Variants in MAN1A1 observed in about 807,000 individuals in gnomAD.
The protein encoded by MAN1A1 is mannosyl-oligosaccharide 1,2-alpha-mannosidase IA.
MAN1A1 carries 29 observed loss-of-function variants against 70.8 expected under a neutral mutation model. That is an observed-to-expected ratio of 0.41 (90% CI 0.31 to 0.56). MAN1A1 has a LOEUF of 0.56. Ranked by LOEUF, MAN1A1 falls within the 20% of genes least tolerant of loss-of-function variation. The pLI is 0.29. For synonymous variants in MAN1A1, 349 were observed against 330.1 expected, an observed-to-expected ratio of 1.06 and a Z score of -0.62; for missense variants, 747 against 841.3, an observed-to-expected ratio of 0.89 and a Z score of 1.39.
At chr6:119,268,793 C>T (rs1411339292) in intron 5 of MAN1A1, among the ~76,000 whole-genome samples, 1 of 151,992 alleles carries the variant, frequency 6.6e-6, no homozygotes, top group Non-Finnish European at 1.5e-5. Context: ...CATAATGTTG[C>T]CCAGGATGGT....
rs553095612 is a variant in MAN1A1, at chr6:119,331,598, T to A, written c.603+16865A>T. 1.8e-4 allele frequency among the ~76,000 whole-genome samples: 26 copies of A among 142,506 alleles called. 1 individual carries two copies. The East Asian group carries it at 3.8e-3, about 21-fold the overall frequency. 93.5% of individuals were successfully genotyped at this position (142,506 alleles called of 152,430 possible). ...ATATATATATATATATATATATATA[T>A]AATCAAGGGGATATAAACATACATG... is the stretch of plus-strand genomic sequence containing the variant. On this transcript the variant is annotated intron_variant, in intron 2 of 12. Transcript: ENST00000368468.
intron 5 of MAN1A1, among the ~76,000 whole-genome samples, chr6:119,266,315 C>A (rs1282861374): frequency 6.6e-6 from 1 of 152,072 alleles, no homozygotes; most frequent in East Asian, 1.9e-4. Flanking sequence ...TGACACTACC[C>A]AACTTCAAGA....
Position 119,179,618 on chromosome 6 carries a change from C to T in MAN1A1, c.*201G>A. ...CATAAACAAAAAACTGGTGGATACA[C>T]TGGCTGAATTAATAAAGGATATGAT... On this transcript the variant is annotated 3_prime_UTR_variant, in exon 13 of 13. Transcript: ENST00000368468. The T allele has an allele frequency of 2.8e-6, 1 of 362,542 alleles. No individual in the cohort carries two copies. The highest frequency in any genetic ancestry group is 2.0e-5 in the African/African-American group (1 of 49,452). 22.5% of individuals were successfully genotyped at this position (362,542 alleles called of 1,614,324 possible). A position where few individuals can be genotyped will look rare whatever the true frequency, so the allele number is the denominator to read the frequency against.
At chr6:119,288,722 A>G (rs1202069195) in intron 5 of MAN1A1, among the ~76,000 whole-genome samples, 1 of 151,924 alleles carries the variant, frequency 6.6e-6, no homozygotes, top group African/African-American at 2.4e-5. Flanking sequence ...ATAAAAAGAT[A>G]CTGAAAATAA....
In MAN1A1 at chr6:119,306,808, C is replaced by T; in HGVS notation, c.700+88G>A. On this transcript the variant is annotated intron_variant, in intron 3 of 12. Coordinates refer to ENST00000368468, the MANE Select transcript of MAN1A1 (RefSeq NM_005907.4). Reference sequence around the variant, plus strand: ...TTCCTAACCAAATGGCCTGGAGGGCCATGTTACACAGACTTCTCCACCATC... The same window carrying T: ...TTCCTAACCAAATGGCCTGGAGGGCTATGTTACACAGACTTCTCCACCATC... 3.4e-6 allele frequency: 3 copies of T among 892,426 alleles called. No homozygotes were observed. In the South Asian group the frequency reaches 4.4e-5, roughly 13 times the overall value. The allele number at this position is 892,426 out of a possible 1,614,324, so 55.3% of individuals were successfully genotyped here.
Position 119,348,773 on chromosome 6 carries a change from G to T in MAN1A1, c.293C>A (p.Ala98Asp). 1 of 1,459,924 alleles carries T rather than the reference G, an allele frequency of 6.8e-7. No homozygotes were observed. Among genetic ancestry groups the T allele is most frequent in the Non-Finnish European group, 9.0e-7 (1 of 1,108,180 alleles). 90.4% of individuals were successfully genotyped at this position (1,459,924 alleles called of 1,614,324 possible). ...PGPGARAEDA[A>D]EGRARRREEG... ...CTCGCGGCGCCGGGCTCGCCCCTCGGCCGCGTCCTCGGCGCGCGCCCCGGG... is the reference window on the plus strand; with the variant it reads ...CTCGCGGCGCCGGGCTCGCCCCTCGTCCGCGTCCTCGGCGCGCGCCCCGGG... Residue 98 changes from alanine to aspartate, a missense_variant, in exon 2 of 13, where the codon GCC becomes GAC. Ala to Asp is a moderately radical substitution (Grantham distance 126). Around this residue, in one of 2 missense-constraint regions of MAN1A1, gnomAD observed 328 missense variants for 293.1 expected, o/e 1.12. Transcript: ENST00000368468.
intron 3 of MAN1A1, among the ~76,000 whole-genome samples, chr6:119,304,587 G>A (rs1285159970): frequency 6.6e-6 from 1 of 151,998 alleles, no homozygotes; most frequent in Non-Finnish European, 1.5e-5. Context: ...GAATACTTAA[G>A]ATTTTTTTTA....
intron 2 of MAN1A1, among the ~76,000 whole-genome samples, chr6:119,316,162 T>C (rs10456921): frequency 0.31 from 45,829 of 146,920 alleles, 7,717 homozygotes; most frequent in Non-Finnish European, 0.36. Context: ...GAAAAAGATA[T>C]TCATTTTTGT....
At chr6:119,192,614 T>C (rs953989526) in intron 9 of MAN1A1, among the ~76,000 whole-genome samples, 4 of 152,176 alleles carry the variant, frequency 2.6e-5, no homozygotes, top group African/African-American at 7.2e-5. Flanking sequence ...AATTTCCATT[T>C]TTTTCCTATG....
At chr6:119,228,916 A>G (rs1352647137) in intron 6 of MAN1A1, among the ~76,000 whole-genome samples, 4 of 152,120 alleles carry the variant, frequency 2.6e-5, no homozygotes, top group South Asian at 2.1e-4. Flanking sequence ...CCAGCGTTCA[A>G]TTCTCTCATT....
At chr6:119,284,568 T>C (rs906997753) in intron 5 of MAN1A1, among the ~76,000 whole-genome samples, 1 of 152,190 alleles carries the variant, frequency 6.6e-6, no homozygotes, top group Non-Finnish European at 1.5e-5. Context: ...TTGTTTTTTT[T>C]CCCCTAAATT....
chr6:119,198,071 C>G (rs1370206900), intron 8 of MAN1A1, among the ~76,000 whole-genome samples: 1 of 152,178 alleles, frequency 6.6e-6, no homozygotes, highest in Non-Finnish European at 1.5e-5. Context: ...TTTAGAGAAT[C>G]ACATCCTGTC....
At chr6:119,232,826 G>A (rs543840951) in intron 6 of MAN1A1, among the ~76,000 whole-genome samples, 45 of 151,900 alleles carry the variant, frequency 3.0e-4, no homozygotes, top group African/African-American at 1.0e-3. Context: ...CCTGACTCCT[G>A]CCTCTTCTCT....
In MAN1A1 at chr6:119,310,714, A is replaced by G. The variant is rs17080974; in HGVS notation, c.604-3722T>C. 5.9e-3 allele frequency among the ~76,000 whole-genome samples: 894 copies of G among 152,324 alleles called. 29 individuals are homozygous for G. In the East Asian group the frequency reaches 0.09, roughly 15 times the overall value. On this transcript the variant is annotated intron_variant, in intron 2 of 12. Transcript: ENST00000368468. Reference sequence around the variant, plus strand: ...CAGGAGAAAGGGCTGTGAAGCAGTAAAAGCCATGAGAAAGAAGACAAGAAA... The same window carrying G: ...CAGGAGAAAGGGCTGTGAAGCAGTAGAAGCCATGAGAAAGAAGACAAGAAA...
In MAN1A1 at chr6:119,177,268, T is replaced by G. The variant is rs1773030532; in HGVS notation, c.*2551A>C. The G allele has an allele frequency of 1.3e-5, 2 of 152,264 alleles. No individual in the cohort carries two copies. The highest frequency in any genetic ancestry group is 4.1e-4 in the South Asian group (2 of 4,826). 9.4% of individuals were successfully genotyped at this position (152,264 alleles called of 1,614,324 possible). On this transcript the variant is annotated 3_prime_UTR_variant, in exon 13 of 13. Coordinates refer to ENST00000368468, the MANE Select transcript of MAN1A1 (RefSeq NM_005907.4). ...TTACAAATATAATTTTTAAAAATTA[T>G]GTGTCAATCTATTGTTTCCCATAAC...
At chr6:119,219,363 C>A (rs1015330705) in intron 6 of MAN1A1, among the ~76,000 whole-genome samples, 15 of 152,234 alleles carry the variant, frequency 9.9e-5, no homozygotes, top group African/African-American at 3.6e-4. Flanking sequence ...TATGCACTTA[C>A]AGAATTTTCA....
At chr6:119,350,292 GCCGGGGTTCC>G (rs1352209628), upstream of MAN1A1, among the ~76,000 whole-genome samples, 1 of 152,176 alleles carries the variant, frequency 6.6e-6, no homozygotes, top group Non-Finnish European at 1.5e-5. Flanking sequence ...TTTATCCAAG[GCCGGGGTTCC>G]CCGGGTGCCT....
chr6:119,237,239 G>A (rs1450974413), intron 6 of MAN1A1, among the ~76,000 whole-genome samples: 1 of 152,198 alleles, frequency 6.6e-6, no homozygotes, highest in Non-Finnish European at 1.5e-5. Context: ...AGCAGGGTTT[G>A]AGAAGACTGA....
At chr6:119,235,759 T>C (rs982641674) in intron 6 of MAN1A1, among the ~76,000 whole-genome samples, 14 of 152,172 alleles carry the variant, frequency 9.2e-5, no homozygotes, top group African/African-American at 3.4e-4. Flanking sequence ...GCTTCAAAGC[T>C]TCAAAGGACA....
Sources: gnomAD v4.1 joint callset for allele counts (sites outside exome capture counted in the v4.1 genomes callset) on GRCh38, gnomAD v4.1.1 for gene constraint, gnomAD v4.1.1 regional missense constraint, MANE v1.5 for transcripts, NCBI Gene and HGNC (gene_info 2026-07-23, HGNC 2026-07-21) for gene names.